The following ROR2 variants were observed in gnomAD, a reference collection of about 807,000 sequenced individuals.
ROR2 encodes the protein ROR family WNT receptor 2.
In ROR2, 33 loss-of-function variants were observed where a neutral mutation model predicts 74.9. The ratio of observed to expected loss-of-function variants is 0.44; its 90% CI spans 0.33 to 0.59. ROR2 has a LOEUF of 0.59. Ranked by LOEUF, ROR2 falls within the 20% of genes least tolerant of loss-of-function variation. The pLI is 0.02. For synonymous variants in ROR2, 586 were observed against 558.7 expected, an observed-to-expected ratio of 1.05 and a Z score of -0.69; for missense variants, 1,216 against 1,313.8, an observed-to-expected ratio of 0.93 and a Z score of 1.15.
chr9:91,808,228 T>C (rs1289959103), intron 1 of ROR2, among the ~76,000 whole-genome samples: 2 of 152,202 alleles, frequency 1.3e-5, no homozygotes, highest in African/African-American at 4.8e-5. Flanking sequence ...TAAGAGTTTT[T>C]GCCCATTTTA....
At position 91,737,473 on chromosome 9, in the gene ROR2, A is replaced by G; in HGVS notation, c.540T>C (p.Ile180=). The change falls in exon 5 of 9, where the codon ATT becomes ATC. Residue 180 remains isoleucine (I), a synonymous_variant. Coordinates refer to ENST00000375708, the MANE Select transcript of ROR2 (RefSeq NM_004560.4). ...GGTTGCCAATGAAGCGTGCACAGGC[A>G]ATTCCCCGGTAAGGCTGGCAGAACC... is the stretch of plus-strand genomic sequence containing the variant. ...EDGFCQPYRG[I]ACARFIGNRT... 1 of 1,614,210 alleles carries G rather than the reference A, an allele frequency of 6.2e-7. No individual in the cohort carries two copies. The highest frequency in any genetic ancestry group is 1.3e-5 in the African/African-American group (1 of 75,044).
chr9:91,885,905 C>T (rs1244171648), intron 1 of ROR2, among the ~76,000 whole-genome samples: 1 of 124,610 alleles, frequency 8.0e-6, no homozygotes, highest in African/African-American at 3.1e-5. Flanking sequence ...CAGAATTTCA[C>T]TCTTCTTGCC....
chr9:91,776,116 G>A (rs192853444), intron 1 of ROR2, among the ~76,000 whole-genome samples: 2 of 152,304 alleles, frequency 1.3e-5, no homozygotes, highest in East Asian at 1.9e-4. Context: ...GACAGAGAGC[G>A]GGAAGGAGAG....
At chr9:91,820,122 T>C (rs1828093719) in intron 1 of ROR2, among the ~76,000 whole-genome samples, 1 of 152,256 alleles carries the variant, frequency 6.6e-6, no homozygotes, top group Non-Finnish European at 1.5e-5. Flanking sequence ...TTTTCCTTTC[T>C]ACTTAAAAAT....
intron 4 of ROR2, among the ~76,000 whole-genome samples, chr9:91,744,989 G>A (rs1429164995): frequency 6.6e-6 from 1 of 152,192 alleles, no homozygotes; most frequent in East Asian, 1.9e-4. Context: ...TGGAATCCAC[G>A]GGCTCGGGTG....
chr9:91,887,787 TC>T (rs1830324525), intron 1 of ROR2, among the ~76,000 whole-genome samples: 3 of 109,146 alleles, frequency 2.7e-5, no homozygotes, highest in East Asian at 2.4e-4. Context: ...ACTTTTTTTC[TC>T]TTTTTTTTTT....
intron 1 of ROR2, among the ~76,000 whole-genome samples, chr9:91,857,282 C>T (rs1417244727): frequency 1.3e-5 from 2 of 152,218 alleles, no homozygotes; most frequent in Non-Finnish European, 2.9e-5. Context: ...AGGCAGCCTT[C>T]CCTTTTGCAC....
chr9:91,732,493 C>T (rs375249514), intron 6 of ROR2, among the ~76,000 whole-genome samples: 3 of 152,300 alleles, frequency 2.0e-5, no homozygotes, highest in South Asian at 2.1e-4. Flanking sequence ...TTAGGCCCCA[C>T]GATTCAGGGA....
chr9:91,801,908 A>G (rs1011387891), intron 1 of ROR2, among the ~76,000 whole-genome samples: 1 of 152,114 alleles, frequency 6.6e-6, no homozygotes, highest in African/African-American at 2.4e-5. Context: ...ATGTTTGGGG[A>G]CCATCGCGCA....
In ROR2 at chr9:91,950,223, C is replaced by T; in HGVS notation, c.-260G>A. 1 of 226,578 alleles carries T rather than the reference C, an allele frequency of 4.4e-6. No homozygotes were observed. 14.0% of individuals were successfully genotyped at this position (226,578 alleles called of 1,614,324 possible). On this transcript the variant is annotated 5_prime_UTR_variant, in exon 1 of 9. Transcript: ENST00000375708. Reference sequence around the variant, plus strand: ...CGGCCGCCAGGACGAGCGCGGGGGGCGGACCGCGGGCGAGCGCGCAGGAGG... The same window carrying T: ...CGGCCGCCAGGACGAGCGCGGGGGGTGGACCGCGGGCGAGCGCGCAGGAGG...
At chr9:91,851,762 G>A (rs550183733) in intron 1 of ROR2, among the ~76,000 whole-genome samples, 3 of 152,196 alleles carry the variant, frequency 2.0e-5, no homozygotes, top group East Asian at 3.9e-4. Context: ...AGATCATGAG[G>A]TCAGTAGTTC....
At chr9:91,829,665 T>C (rs1828401028) in intron 1 of ROR2, among the ~76,000 whole-genome samples, 1 of 150,158 alleles carries the variant, frequency 6.7e-6, no homozygotes, top group African/African-American at 2.5e-5. Flanking sequence ...TGTAAATAAC[T>C]AGAGCAGGGA....
chr9:91,790,532 C>T (rs1473526360), intron 1 of ROR2, among the ~76,000 whole-genome samples: 1 of 149,936 alleles, frequency 6.7e-6, no homozygotes, highest in African/African-American at 2.5e-5. Context: ...AAAAAAAGTA[C>T]AGCACATAAA....
Position 91,724,930 on chromosome 9 carries a change from G to C in ROR2, c.1564C>G (p.Arg522Gly). The change falls in exon 9 of 9, where the codon CGG (arginine) becomes GGG (glycine). Residue 522 changes from arginine to glycine, a missense_variant. Arg to Gly is a moderately radical substitution (Grantham distance 125). Coordinates refer to ENST00000375708, the MANE Select transcript of ROR2 (RefSeq NM_004560.4). ...CGTGCTCGCAGCATAGCCTCATGCC[G>C]GAACTCCTCCCGCAGGGGCCCCTCC... ...KAEGPLREEF[R>G]HEAMLRARLQ... 6.8e-6 allele frequency: 11 copies of C among 1,612,558 alleles called. No homozygotes were observed. Among genetic ancestry groups the C allele is most frequent in the Non-Finnish European group, 9.3e-6 (11 of 1,179,066 alleles).
At chr9:91,877,936 A>C (rs999986842) in intron 1 of ROR2, among the ~76,000 whole-genome samples, 1 of 152,196 alleles carries the variant, frequency 6.6e-6, no homozygotes, top group African/African-American at 2.4e-5. Flanking sequence ...CCCCAAAGAT[A>C]ATCAATTATT....
chr9:91,800,750 C>G (rs193002393), intron 1 of ROR2, among the ~76,000 whole-genome samples: 1 of 152,244 alleles, frequency 6.6e-6, no homozygotes, highest in Non-Finnish European at 1.5e-5. Flanking sequence ...GCGGGCTTCA[C>G]GTGTAGTTAC....
chr9:91,887,788 C>CTTTTTTTTTTTTTT (rs771557997), intron 1 of ROR2, among the ~76,000 whole-genome samples: 4 of 100,676 alleles, frequency 4.0e-5, no homozygotes, highest in African/African-American at 1.2e-4. Context: ...CTTTTTTTCT[C>CTTTTTTTTTTTTTT]TTTTTTTTTT....
At chr9:91,934,228 G>C (rs1192285886) in intron 1 of ROR2, among the ~76,000 whole-genome samples, 1 of 152,010 alleles carries the variant, frequency 6.6e-6, no homozygotes, top group East Asian at 1.9e-4. Context: ...GTTTTTTCTT[G>C]TTTTTTACTT....
In ROR2 at chr9:91,863,048, A is replaced by G. The variant is rs185714568; in HGVS notation, c.97+86819T>C. Among the ~76,000 whole-genome samples the G allele has an allele frequency of 1.7e-3, 266 of 152,362 alleles. 2 individuals carry two copies. Among genetic ancestry groups the G allele is most frequent in the Admixed American group, 4.6e-3 (70 of 15,300 alleles). On this transcript the variant is annotated intron_variant, in intron 1 of 8. Transcript: ENST00000375708. ...ATACTTCACACCTACTAGTTCGCTT[A>G]TAATAAAAAAGACACACAATAACAA...
Sources: gnomAD v4.1 joint callset for allele counts (sites outside exome capture counted in the v4.1 genomes callset) on GRCh38, gnomAD v4.1.1 for gene constraint, MANE v1.5 for transcripts, NCBI Gene and HGNC (gene_info 2026-07-23, HGNC 2026-07-21) for gene names.